LRBA: variants seen among roughly 807,000 people sequenced by gnomAD.
The protein encoded by LRBA is LPS responsive beige-like anchor protein, also known as lipopolysaccharide-responsive and beige-like anchor protein.
A neutral mutation model predicts 330.0 loss-of-function variants in LRBA; 176 were observed. The observed-to-expected ratio is 0.53, with a 90% CI of 0.47 to 0.60. The LOEUF (loss-of-function observed/expected upper bound fraction) is 0.60. LRBA is among the 20% of genes least tolerant of loss of function. The pLI, the probability that LRBA is intolerant of heterozygous loss-of-function variation, is 0.00. For missense variants in LRBA, 3,259 were observed against 3,444.8 expected (o/e 0.95, Z 1.35); for synonymous variants, 1,230 against 1,193.0 (o/e 1.03, Z -0.64).
chr4:150,589,652 C>A (rs1253544120), intron 39 of LRBA, among the ~76,000 whole-genome samples: 1 of 152,186 alleles, frequency 6.6e-6, no homozygotes, highest in African/African-American at 2.4e-5. Context: ...CTGACAATTT[C>A]CACTTCATTT....
intron 37 of LRBA, among the ~76,000 whole-genome samples, chr4:150,611,821 C>T (rs1297794179): frequency 6.6e-6 from 1 of 152,210 alleles, no homozygotes; most frequent in Non-Finnish European, 1.5e-5. Flanking sequence ...GGAAGAACTA[C>T]ATAAGCATCT....
At chr4:150,387,475 T>G (rs1743255421) in intron 47 of LRBA, among the ~76,000 whole-genome samples, 1 of 152,162 alleles carries the variant, frequency 6.6e-6, no homozygotes, top group Non-Finnish European at 1.5e-5. Flanking sequence ...AATTTGTAAT[T>G]GATTAAATAA....
chr4:150,807,327 T>C (rs1365022101), intron 32 of LRBA, among the ~76,000 whole-genome samples: 1 of 152,132 alleles, frequency 6.6e-6, no homozygotes, highest in African/African-American at 2.4e-5. Flanking sequence ...CAGGCACTGC[T>C]CTAAATACTA....
At chr4:150,878,395 A>T (rs1754303181) in intron 17 of LRBA, among the ~76,000 whole-genome samples, 1 of 152,120 alleles carries the variant, frequency 6.6e-6, no homozygotes, top group African/African-American at 2.4e-5. Flanking sequence ...AAAGCTAGAA[A>T]GATCTAAAAT....
chr4:150,822,679 A>T (rs888162653), intron 30 of LRBA, among the ~76,000 whole-genome samples: 5 of 152,142 alleles, frequency 3.3e-5, no homozygotes, highest in Non-Finnish European at 7.3e-5. Context: ...CCTTGATCCC[A>T]TGAGTTTGAG....
intron 47 of LRBA, among the ~76,000 whole-genome samples, chr4:150,371,182 ATTTTTTTT>A (rs70937395): frequency 2.4e-4 from 22 of 91,928 alleles, no homozygotes; most frequent in African/African-American, 8.2e-4. Flanking sequence ...AAGCTACTAA[ATTTTTTTT>A]TTTTTTTTTT....
chr4:150,959,477 A>G lies in LRBA; in HGVS notation c.217-30412T>C, dbSNP rs1355576692. Among the ~76,000 whole-genome samples the G allele has an allele frequency of 3.3e-5, 5 of 149,398 alleles. 1 individual carries two copies. Among genetic ancestry groups the G allele is most frequent in the African/African-American group, 1.3e-4 (5 of 38,754 alleles). On this transcript the variant is annotated intron_variant, in intron 2 of 56. Transcript: ENST00000651943. Reference sequence around the variant, plus strand: ...CCATAAAAATAGCAGAAACATGATCAAAGTCTAGTAGGGTTGTACCAAAAG... The same window carrying G: ...CCATAAAAATAGCAGAAACATGATCGAAGTCTAGTAGGGTTGTACCAAAAG...
chr4:150,676,206 T>C (rs1161197523), intron 37 of LRBA, among the ~76,000 whole-genome samples: 1 of 152,210 alleles, frequency 6.6e-6, no homozygotes, highest in East Asian at 1.9e-4. Context: ...GCTCTTTCCA[T>C]AAAATCACAC....
At chr4:150,360,316 TAAAA>T (rs77442716) in intron 47 of LRBA, among the ~76,000 whole-genome samples, 1 of 118,590 alleles carries the variant, frequency 8.4e-6, no homozygotes, top group Non-Finnish European at 1.9e-5. Flanking sequence ...TTTTAAAAAG[TAAAA>T]AAAAAAAAAA....
intron 35 of LRBA, among the ~76,000 whole-genome samples, chr4:150,757,035 T>G (rs1315677387): frequency 6.6e-6 from 1 of 152,010 alleles, no homozygotes; most frequent in Admixed American, 6.6e-5. Context: ...ATTTAATTAT[T>G]TAACTGAAAT....
At chr4:150,904,237 T>C (rs1731067168) in intron 13 of LRBA, among the ~76,000 whole-genome samples, 1 of 152,198 alleles carries the variant, frequency 6.6e-6, no homozygotes, top group Non-Finnish European at 1.5e-5. Context: ...AAACCTAATT[T>C]TGTATGCATT....
At chr4:150,894,310 C>T (rs904780865) in intron 16 of LRBA, among the ~76,000 whole-genome samples, 10 of 151,956 alleles carry the variant, frequency 6.6e-5, no homozygotes, top group African/African-American at 2.2e-4. Context: ...AAATGATAAC[C>T]GGATCATTTT....
intron 17 of LRBA, among the ~76,000 whole-genome samples, chr4:150,892,215 A>G (rs1379366295): frequency 2.6e-5 from 4 of 152,346 alleles, no homozygotes; most frequent in East Asian, 1.9e-4. Flanking sequence ...TAAACAAAAG[A>G]TTTTAAACTT....
intron 46 of LRBA, chr4:150,422,805 G>T (rs934113961): frequency 1.4e-6 from 2 of 1,469,534 alleles, no homozygotes; most frequent in East Asian, 2.3e-5. Context: ...CATGTGCTGC[G>T]GTTTGCCCTG....
At chr4:150,717,827 T>C (rs1384535740) in intron 36 of LRBA, among the ~76,000 whole-genome samples, 1 of 151,818 alleles carries the variant, frequency 6.6e-6, no homozygotes, top group African/African-American at 2.4e-5. Flanking sequence ...CTACAGTATG[T>C]TAGATAAAAT....
chr4:150,970,219 G>C (rs938402805), intron 2 of LRBA, among the ~76,000 whole-genome samples: 2 of 152,030 alleles, frequency 1.3e-5, no homozygotes, highest in Admixed American at 1.3e-4. Context: ...ACTAAAGTAG[G>C]CTGGGTGTGA....
intron 48 of LRBA, among the ~76,000 whole-genome samples, chr4:150,346,324 G>A (rs552593032): frequency 1.3e-5 from 2 of 151,788 alleles, no homozygotes; most frequent in East Asian, 3.9e-4. Flanking sequence ...ACAAATTAAG[G>A]TGTGATGTGT....
At chr4:150,353,818 G>A (rs146909835) in intron 47 of LRBA, among the ~76,000 whole-genome samples, 25 of 152,222 alleles carry the variant, frequency 1.6e-4, no homozygotes, top group African/African-American at 6.0e-4. Context: ...TGATAAACAC[G>A]TTACCTTCAT....
chr4:150,538,201 G>A (rs757529898), intron 40 of LRBA, among the ~76,000 whole-genome samples: 8 of 152,128 alleles, frequency 5.3e-5, no homozygotes, highest in Non-Finnish European at 1.0e-4. Flanking sequence ...ATGTAAATTC[G>A]TTCAGCCACT....
Sources: gnomAD v4.1 joint callset for allele counts (sites outside exome capture counted in the v4.1 genomes callset) on GRCh38, gnomAD v4.1.1 for gene constraint, MANE v1.5 for transcripts, NCBI Gene and HGNC (gene_info 2026-07-23, HGNC 2026-07-21) for gene names.